Variants in RNF216 observed in about 807,000 individuals in gnomAD.
RNF216 encodes the protein ring finger protein 216.
A neutral mutation model predicts 110.8 loss-of-function variants in RNF216; 72 were observed. That is an observed-to-expected ratio of 0.65 (90% CI 0.54 to 0.79). RNF216 has a LOEUF of 0.79. Among genes scored for constraint, RNF216 ranks in the 30% least tolerant of loss-of-function variants. The pLI is 0.00. For missense variants in RNF216, 1,342 were observed against 1,141.2 expected, an observed-to-expected ratio of 1.18 and a Z score of -2.54; for synonymous variants, 495 against 407.5, an observed-to-expected ratio of 1.21 and a Z score of -2.59.
chr7:5,714,500 C>T (rs555153157), intron 11 of RNF216, among the ~76,000 whole-genome samples: 19 of 152,148 alleles, frequency 1.2e-4, no homozygotes, highest in African/African-American at 3.6e-4. Flanking sequence ...TCAGGTGATC[C>T]GCCTACCTCG....
chr7:5,753,002 GT>G (rs756930173), intron 2 of RNF216, 23 bp from the exon 3 acceptor site: 1 of 1,594,574 alleles, frequency 6.3e-7, no homozygotes, highest in Non-Finnish European at 8.5e-7. Flanking sequence ...AGAGAACACT[GT>G]TACTGGGAGG....
At chr7:5,683,474 G>C (rs1056836321) in intron 13 of RNF216, among the ~76,000 whole-genome samples, 1 of 152,060 alleles carries the variant, frequency 6.6e-6, no homozygotes, top group African/African-American at 2.4e-5. Context: ...GGTGGGTCCC[G>C]TATCACCCCC....
intron 13 of RNF216, among the ~76,000 whole-genome samples, chr7:5,703,724 C>T (rs1792114233): frequency 6.6e-6 from 1 of 152,230 alleles, no homozygotes; most frequent in African/African-American, 2.4e-5. Flanking sequence ...GAAAAGACTA[C>T]ACCAGATGTT....
chr7:5,769,464 T>A (rs1164787017), intron 1 of RNF216, among the ~76,000 whole-genome samples: 1 of 151,648 alleles, frequency 6.6e-6, no homozygotes, highest in African/African-American at 2.4e-5. Flanking sequence ...GGCTCATGCC[T>A]GTAATCCCAG....
At chr7:5,683,892 T>C (rs1790807299) in intron 13 of RNF216, among the ~76,000 whole-genome samples, 1 of 152,056 alleles carries the variant, frequency 6.6e-6, no homozygotes, top group Admixed American at 6.6e-5. Context: ...ACCACATGAA[T>C]TCTCCAGCCT....
At chr7:5,675,222 T>A (rs1336854261) in intron 13 of RNF216, among the ~76,000 whole-genome samples, 1 of 152,202 alleles carries the variant, frequency 6.6e-6, no homozygotes, top group Non-Finnish European at 1.5e-5. Context: ...TGCTGGGCAC[T>A]TCACAGACAT....
At chr7:5,750,724 C>T (rs1733901846) in intron 3 of RNF216, among the ~76,000 whole-genome samples, 2 of 152,204 alleles carry the variant, frequency 1.3e-5, no homozygotes. Context: ...GAGCAAGACT[C>T]CCCCTCATAA....
intron 13 of RNF216, among the ~76,000 whole-genome samples, chr7:5,654,484 C>T (rs552980416): frequency 4.0e-5 from 6 of 151,638 alleles, no homozygotes; most frequent in Non-Finnish European, 8.8e-5. Flanking sequence ...GTCAGAAGTT[C>T]GAGACCAGCC....
chr7:5,622,763 G>A lies in RNF216; in HGVS notation c.*97C>T. On this transcript the variant is annotated 3_prime_UTR_variant, in exon 17 of 17. Transcript: ENST00000389902. ...CCAGCCTACCCTTCAAGCTGACTTA[G>A]GATGCAATGGTACAGACACCAGCCT... The A allele has an allele frequency of 1.6e-6, 2 of 1,221,540 alleles. No individual in the cohort carries two copies. Among genetic ancestry groups the A allele is most frequent in the Non-Finnish European group, 2.3e-6 (2 of 876,188 alleles). 75.7% of individuals were successfully genotyped at this position (1,221,540 alleles called of 1,614,324 possible).
chr7:5,715,134 C>T lies in RNF216; in HGVS notation c.1752G>A (p.Leu584=). ...ACAAGTGAGCATCTGCGCACTGCGTCAGCTCCTCGAATGGAAATTCCCCAT... is the reference window on the plus strand; with the variant it reads ...ACAAGTGAGCATCTGCGCACTGCGTTAGCTCCTCGAATGGAAATTCCCCAT... ...CCYGEFPFEE[L]TQCADAHLFC... Residue 584 remains leucine, a synonymous_variant, in exon 11 of 17, where the codon CTG becomes CTA. Coordinates refer to ENST00000389902, the MANE Select transcript of RNF216 (RefSeq NM_207111.4). The T allele has an allele frequency of 6.2e-7, 1 of 1,613,976 alleles. No homozygotes were observed. The highest frequency in any genetic ancestry group is 8.5e-7 in the Non-Finnish European group (1 of 1,180,022).
At chr7:5,762,839 T>C (rs1796004849) in intron 1 of RNF216, among the ~76,000 whole-genome samples, 1 of 152,240 alleles carries the variant, frequency 6.6e-6, no homozygotes, top group Non-Finnish European at 1.5e-5. Context: ...TTTTCTTTCT[T>C]TTAAAGATAT....
intron 13 of RNF216, among the ~76,000 whole-genome samples, chr7:5,670,255 A>G (rs1789816524): frequency 6.6e-6 from 1 of 151,840 alleles, no homozygotes. Flanking sequence ...TTCATAAACA[A>G]CCTGGATGTG....
chr7:5,736,878 G>A (rs1373325781), intron 5 of RNF216, among the ~76,000 whole-genome samples: 7 of 150,276 alleles, frequency 4.7e-5, no homozygotes, highest in Admixed American at 4.0e-4. Flanking sequence ...GAGCCCCTCC[G>A]CCCGGCAGCC....
At chr7:5,652,313 A>C in intron 14 of RNF216, 100 bp downstream of exon 14, 1 of 840,710 alleles carries the variant, frequency 1.2e-6, no homozygotes, top group Non-Finnish European at 2.0e-6. Context: ...GGGGTGGCTC[A>C]AGCGTGTTCT....
chr7:5,741,489 C>T lies in RNF216; in HGVS notation c.528G>A (p.Gln176=). ...ANDIVNPRSE[Q]KVIILEEGSL... Reference sequence around the variant, plus strand: ...TACCTTCTTCCAAGATGATGACTTTCTGCTCTGATCTGGGGTTGACAATGT... The same window carrying T: ...TACCTTCTTCCAAGATGATGACTTTTTGCTCTGATCTGGGGTTGACAATGT... Residue 176 remains glutamine, a synonymous_variant, in exon 4 of 17, where the codon CAG becomes CAA. Coordinates refer to ENST00000389902, the MANE Select transcript of RNF216 (RefSeq NM_207111.4). 1 of 1,614,188 alleles carries T rather than the reference C, an allele frequency of 6.2e-7. No individual in the cohort carries two copies. Among genetic ancestry groups the T allele is most frequent in the Non-Finnish European group, 8.5e-7 (1 of 1,180,042 alleles).
intron 3 of RNF216, among the ~76,000 whole-genome samples, chr7:5,743,995 A>G (rs772730250): frequency 6.6e-6 from 1 of 152,232 alleles, no homozygotes; most frequent in South Asian, 2.1e-4. Flanking sequence ...CACTCAATCA[A>G]AAATAACTAG....
intron 15 of RNF216, among the ~76,000 whole-genome samples, chr7:5,627,965 A>C (rs1338812147): frequency 2.6e-5 from 4 of 152,212 alleles, no homozygotes; most frequent in African/African-American, 9.6e-5. Context: ...GAACTCCCTC[A>C]GAAGGGTCTG....
chr7:5,780,719 A>G (rs2008415), intron 1 of RNF216, among the ~76,000 whole-genome samples: 71,877 of 151,736 alleles, frequency 0.47, 17,562 homozygotes, highest in Admixed American at 0.54. Flanking sequence ...AAAAGGAGAA[A>G]AAAAAAAAAG....
intron 7 of RNF216, among the ~76,000 whole-genome samples, chr7:5,727,793 C>T (rs1258490381): frequency 1.3e-5 from 2 of 151,904 alleles, no homozygotes; most frequent in Non-Finnish European, 2.9e-5. Flanking sequence ...CAACTTCCTC[C>T]TTCCTGTCTG....
Sources: allele counts gnomAD v4.1 joint callset (sites outside exome capture counted in the v4.1 genomes callset), GRCh38; gene constraint gnomAD v4.1.1; transcripts MANE v1.5; gene names NCBI Gene and HGNC (gene_info 2026-07-23, HGNC 2026-07-21).